Variants in COL15A1 observed in about 807,000 individuals in gnomAD.
COL15A1 encodes the protein collagen alpha-1(XV) chain.
COL15A1 carries 111 observed loss-of-function variants against 165.9 expected under a neutral mutation model. The observed-to-expected ratio is 0.67, with a 90% CI of 0.57 to 0.78. The LOEUF is 0.78. COL15A1 is among the 30% of genes least tolerant of loss of function. COL15A1 has a pLI of 0.00. For missense variants in COL15A1, 1,745 were observed against 1,789.7 expected, an observed-to-expected ratio of 0.98 and a Z score of 0.45; for synonymous variants, 659 against 674.8, an observed-to-expected ratio of 0.98 and a Z score of 0.36.
chr9:99,019,403 C>T (rs1366540398), intron 11 of COL15A1, among the ~76,000 whole-genome samples: 1 of 151,956 alleles, frequency 6.6e-6, no homozygotes, highest in Non-Finnish European at 1.5e-5. Context: ...TTAGTGGAGA[C>T]AGGATTTCAC....
At chr9:99,050,018 C>A (rs1839559602) in intron 30 of COL15A1, 123 bp downstream of exon 30, 1 of 1,351,604 alleles carries the variant, frequency 7.4e-7, no homozygotes, top group Admixed American at 1.8e-5. Context: ...CTTCTGTCCC[C>A]TAAGTGTAGA....
chr9:99,029,599 G>T (rs1289447971), intron 16 of COL15A1, among the ~76,000 whole-genome samples: 1 of 152,114 alleles, frequency 6.6e-6, no homozygotes, highest in African/African-American at 2.4e-5. Context: ...AGAAGTGTTT[G>T]GTTCAACATC....
chr9:98,977,001 C>A (rs546482069), intron 2 of COL15A1, among the ~76,000 whole-genome samples: 3 of 152,156 alleles, frequency 2.0e-5, no homozygotes, highest in South Asian at 4.2e-4. Context: ...AAATGTAGGA[C>A]CCATTCAGGA....
chr9:99,004,408 C>T (rs988710018), intron 8 of COL15A1, among the ~76,000 whole-genome samples: 15 of 152,128 alleles, frequency 9.9e-5, no homozygotes, highest in Non-Finnish European at 1.5e-4. Context: ...TGTCCATTCA[C>T]GGTGAGTGGC....
chr9:99,031,857 A>G (rs189010587), intron 16 of COL15A1, among the ~76,000 whole-genome samples: 120 of 152,334 alleles, frequency 7.9e-4, no homozygotes, highest in African/African-American at 2.8e-3. Context: ...TATTTTTGTT[A>G]GAGTAGGTCC....
intron 7 of COL15A1, among the ~76,000 whole-genome samples, chr9:99,002,687 C>G (rs142910154): frequency 6.6e-6 from 1 of 152,272 alleles, no homozygotes; most frequent in East Asian, 1.9e-4. Flanking sequence ...TTTTTTGAGA[C>G]AGTAATTCTG....
intron 2 of COL15A1, among the ~76,000 whole-genome samples, chr9:98,965,199 A>C (rs1487424326): frequency 6.6e-6 from 1 of 152,194 alleles, no homozygotes; most frequent in Non-Finnish European, 1.5e-5. Context: ...GATTCCTCCT[A>C]AAATGGTCAG....
In COL15A1 at chr9:99,062,126, C is replaced by A. The variant is rs528462099; in HGVS notation, c.3531+27C>A. The A allele has an allele frequency of 9.9e-6, 16 of 1,612,896 alleles. No individual in the cohort carries two copies. The East Asian group carries it at 3.6e-4, about 36-fold the overall frequency. Reference sequence around the variant, plus strand: ...TAATTTCTAAACTTCCTTTAACACACTGCCTTCAAATACCCTCTAAAAATA... The same window carrying A: ...TAATTTCTAAACTTCCTTTAACACAATGCCTTCAAATACCCTCTAAAAATA... On this transcript the variant is annotated intron_variant, in intron 37 of 41. Transcript: ENST00000375001.
intron 11 of COL15A1, 41 bp from the exon 12 acceptor site, chr9:99,020,348 A>AT (rs1839004216): frequency 6.6e-7 from 1 of 1,511,778 alleles, no homozygotes; most frequent in African/African-American, 1.4e-5. Flanking sequence ...CATGTCCCAA[A>AT]TATGTTGTGG....
At chr9:98,992,522 T>C (rs1232094820) in intron 5 of COL15A1, among the ~76,000 whole-genome samples, 4 of 152,202 alleles carry the variant, frequency 2.6e-5, no homozygotes, top group African/African-American at 9.6e-5. Context: ...GGAGCCGGCT[T>C]CAGCCTCTGC....
At position 99,025,001 on chromosome 9, in the gene COL15A1, T is replaced by G. The variant is rs778072934; in HGVS notation, c.1980+2T>G. On this transcript the variant is annotated splice_donor_variant, in intron 15 of 41. Transcript: ENST00000375001. LOFTEE classifies it high-confidence loss of function. The stretch of plus-strand genomic sequence containing the variant: ...CCTGCTGGTGAACCTGGGCCCCCGG[T>G]GAGCAACTGAAGTCTTCTCCCCATC... The G allele has an allele frequency of 7.4e-6, 12 of 1,612,656 alleles. No individual in the cohort carries two copies. Among genetic ancestry groups the G allele is most frequent in the Non-Finnish European group, 7.6e-6 (9 of 1,179,418 alleles).
rs758872473 is a variant in COL15A1 at position 98,979,794 on chromosome 9, G to A, written c.101-5771G>A. Among the ~76,000 whole-genome samples the A allele has an allele frequency of 5.7e-4, 87 of 152,072 alleles. 1 individual carries two copies. The highest frequency in any genetic ancestry group is 1.2e-3 in the Admixed American group (19 of 15,268). On this transcript the variant is annotated intron_variant, in intron 2 of 41. Coordinates refer to ENST00000375001, the MANE Select transcript of COL15A1 (RefSeq NM_001855.5). ...CTGGAGAGGATAAGCATTCAATTGAGAATCAAATCTGAGTTCATGGCCAGC... is the reference window on the plus strand; with the variant it reads ...CTGGAGAGGATAAGCATTCAATTGAAAATCAAATCTGAGTTCATGGCCAGC...
chr9:99,043,636 A>C (rs1313052829), intron 24 of COL15A1, among the ~76,000 whole-genome samples: 1 of 152,022 alleles, frequency 6.6e-6, no homozygotes, highest in African/African-American at 2.4e-5. Context: ...TCTAAATACC[A>C]GGTGTGGGCT....
At chr9:98,999,685 T>A (rs60048592) in intron 6 of COL15A1, among the ~76,000 whole-genome samples, 65,169 of 150,372 alleles carry the variant, frequency 0.43, 14,362 homozygotes, top group African/African-American at 0.54. Context: ...TGCCTGGCTA[T>A]TTTTTTTTAT....
chr9:98,955,528 A>G (rs1292991397), intron 2 of COL15A1, among the ~76,000 whole-genome samples: 1 of 152,138 alleles, frequency 6.6e-6, no homozygotes, highest in Non-Finnish European at 1.5e-5. Flanking sequence ...AGCATTATGA[A>G]CCTTTGACCA....
chr9:99,052,776 TGTTCCTGCC>T (rs1240490704), intron 31 of COL15A1, among the ~76,000 whole-genome samples: 2 of 152,332 alleles, frequency 1.3e-5, no homozygotes, highest in East Asian at 3.9e-4. Context: ...TGAGAAGCGC[TGTTCCTGCC>T]TCTCAGGCTC....
At position 99,054,623 on chromosome 9, in the gene COL15A1, G is replaced by GA; in HGVS notation, c.3003dup (p.Gly1002ArgfsTer14). Reference sequence around the variant, plus strand: ...CTGGGGTCTTCCTGGCTCAAAGGGAGAAAAAGGCGACCAGGGAGCCCAGGG... The same window carrying GA: ...CTGGGGTCTTCCTGGCTCAAAGGGAGAAAAAAGGCGACCAGGGAGCCCAGGG... On this transcript the variant is annotated frameshift_variant, in exon 32 of 42. Coordinates refer to ENST00000375001, the MANE Select transcript of COL15A1 (RefSeq NM_001855.5). LOFTEE classifies it high-confidence loss of function. The GA allele has an allele frequency of 6.2e-7, 1 of 1,613,308 alleles. No homozygotes were observed.
At chr9:98,987,507 C>A in intron 4 of COL15A1, 139 bp downstream of exon 4, 1 of 700,414 alleles carries the variant, frequency 1.4e-6, no homozygotes, top group Non-Finnish European at 2.3e-6. Context: ...CTATTTTGGG[C>A]TTTTGGCGTG....
At chr9:99,034,706 G>A (rs1839268147) in intron 17 of COL15A1, 122 bp downstream of exon 17, 1 of 1,439,994 alleles carries the variant, frequency 6.9e-7, no homozygotes, top group Non-Finnish European at 9.2e-7. Context: ...ATGGAACAGA[G>A]AGGAACACAT....
Sources: allele counts gnomAD v4.1 joint callset (sites outside exome capture counted in the v4.1 genomes callset), GRCh38; gene constraint gnomAD v4.1.1; transcripts MANE v1.5; gene names NCBI Gene and HGNC (gene_info 2026-07-23, HGNC 2026-07-21).